FAM227A: variants seen among roughly 807,000 people sequenced by gnomAD.
FAM227A encodes protein FAM227A.
FAM227A carries 80 observed loss-of-function variants against 74.7 expected under a neutral mutation model. The ratio of observed to expected loss-of-function variants is 1.07; its 90% CI spans 0.89 to 1.29. The LOEUF is 1.29. FAM227A is among the 50% of genes most tolerant of loss of function. The pLI is 0.00. For missense variants in FAM227A, 654 were observed against 683.4 expected (o/e 0.96, Z 0.48); for synonymous variants, 237 against 241.8 (o/e 0.98, Z 0.19).
At chr22:38,619,837 G>A (rs1436870781) in intron 11 of FAM227A, among the ~76,000 whole-genome samples, 1 of 152,092 alleles carries the variant, frequency 6.6e-6, no homozygotes. Context: ...TACATCAGAA[G>A]GAACATCAAT....
intron 11 of FAM227A, 137 bp downstream of exon 11, chr22:38,620,075 T>C: frequency 1.6e-6 from 1 of 631,146 alleles, no homozygotes; most frequent in Non-Finnish European, 2.8e-6. Flanking sequence ...GGCTCCTCAC[T>C]TAGAAGATGG....
intron 15 of FAM227A, among the ~76,000 whole-genome samples, chr22:38,592,693 A>G (rs2090963706): frequency 6.6e-6 from 1 of 152,212 alleles, no homozygotes; most frequent in Non-Finnish European, 1.5e-5. Flanking sequence ...ATGAACTTTC[A>G]TATCTACTGG....
At position 38,597,236 on chromosome 22, in the gene FAM227A, C is replaced by G; in HGVS notation, c.1500G>C (p.Lys500Asn). 6.4e-7 allele frequency: 1 copy of G among 1,552,298 alleles called. No homozygotes were observed. The highest frequency in any genetic ancestry group is 8.7e-7 in the Non-Finnish European group (1 of 1,147,110). ...HHWTEWNYFD[K>N]HLKELQDNFS... ...AGTTGTCTTGCAGCTCCTTTAGATG[C>G]TTGTCAAAATAATTCCATTCAGTCC... Residue 500 changes from lysine to asparagine, a missense_variant, in exon 15 of 17, where the codon AAG becomes AAC. Physicochemically the swap from Lys to Asn is moderately conservative, Grantham distance 94 (BLOSUM62 0). Coordinates refer to ENST00000535113, the MANE Select transcript of FAM227A (RefSeq NM_001013647.2).
chr22:38,612,111 G>T (rs534547347), intron 11 of FAM227A, among the ~76,000 whole-genome samples: 2 of 152,088 alleles, frequency 1.3e-5, no homozygotes, highest in East Asian at 3.9e-4. Flanking sequence ...TTCCATATTT[G>T]TCATTTAGAC....
chr22:38,601,884 C>T (rs2091187046), intron 13 of FAM227A, among the ~76,000 whole-genome samples: 1 of 151,896 alleles, frequency 6.6e-6, no homozygotes. Context: ...AGTCAAGTCC[C>T]GTTTTGGATG....
intron 9 of FAM227A, 91 bp downstream of exon 9, chr22:38,626,089 G>A: frequency 7.8e-7 from 1 of 1,274,222 alleles, no homozygotes; most frequent in Non-Finnish European, 1.1e-6. Context: ...CTTCATGAAG[G>A]GGTGTCATAG....
At chr22:38,624,598 ATGCTGAACAC>A (rs1237362538) in intron 9 of FAM227A, among the ~76,000 whole-genome samples, 3 of 152,200 alleles carry the variant, frequency 2.0e-5, no homozygotes, top group Admixed American at 1.3e-4. Flanking sequence ...TATGTGGCTT[ATGCTGAACAC>A]TGCCTTCCTG....
intron 11 of FAM227A, among the ~76,000 whole-genome samples, chr22:38,611,579 C>T (rs919514505): frequency 2.6e-5 from 4 of 152,116 alleles, no homozygotes; most frequent in African/African-American, 9.7e-5. Context: ...AGTCGCGATG[C>T]CCATTTTGTG....
intron 11 of FAM227A, among the ~76,000 whole-genome samples, chr22:38,610,132 T>C (rs1313695135): frequency 6.6e-6 from 1 of 152,094 alleles, no homozygotes; most frequent in Non-Finnish European, 1.5e-5. Context: ...TGGAGTGCAG[T>C]GGTGCAATGC....
chr22:38,632,183 A>G (rs777140098), intron 6 of FAM227A, among the ~76,000 whole-genome samples: 34 of 152,158 alleles, frequency 2.2e-4, no homozygotes, highest in Admixed American at 9.8e-4. Flanking sequence ...TCTGCAGTGT[A>G]GTGAAGGCCT....
In FAM227A at chr22:38,583,159, C is replaced by G. The variant is rs2090736628; in HGVS notation, c.*2966G>C. On this transcript the variant is annotated 3_prime_UTR_variant, in exon 17 of 17. Transcript: ENST00000535113. ...GGCAGGTGCTCACACGTTCTGGTTT[C>G]AGAAGACTATACTTTTTTTTTTTTT... is the stretch of plus-strand genomic sequence containing the variant. The G allele has an allele frequency of 2.2e-6, 1 of 463,150 alleles. No individual in the cohort carries two copies. The highest frequency in any genetic ancestry group is 2.1e-5 in the African/African-American group (1 of 47,466). The allele number at this position is 463,150 out of a possible 1,614,324, so 28.7% of individuals were successfully genotyped here. A position where few individuals can be genotyped will look rare whatever the true frequency, so the allele number is the denominator to read the frequency against.
chr22:38,580,967 C>T lies in FAM227A; in HGVS notation c.*5158G>A, dbSNP rs553422461. ...CTGATTTTTGTATTTTTAGTAGAGA[C>T]GGGATTTTGCCTTGTTGGCCAGGCT... On this transcript the variant is annotated 3_prime_UTR_variant, in exon 17 of 17. Transcript: ENST00000535113. 2.0e-5 allele frequency: 3 copies of T among 152,226 alleles called. No individual in the cohort carries two copies. Among genetic ancestry groups the T allele is most frequent in the Admixed American group, 6.5e-5 (1 of 15,278 alleles). 9.4% of individuals were successfully genotyped at this position (152,226 alleles called of 1,614,324 possible). A position where few individuals can be genotyped will look rare whatever the true frequency, so the allele number is the denominator to read the frequency against.
At chr22:38,613,424 T>TATATAATATATTATATA (rs71197123) in intron 11 of FAM227A, among the ~76,000 whole-genome samples, 1 of 113,522 alleles carries the variant, frequency 8.8e-6, no homozygotes, top group African/African-American at 3.5e-5. Flanking sequence ...ATATATATAA[T>TATATAATATATTATATA]TTGTTTGTTT....
In FAM227A at chr22:38,626,325, G is replaced by A. The variant is rs771182085; in HGVS notation, c.727-22C>T. On this transcript the variant is annotated intron_variant, in intron 8 of 16. Coordinates refer to ENST00000535113, the MANE Select transcript of FAM227A (RefSeq NM_001013647.2). ...GCCTCTGCGGAGCAAGCCGAGCTCA[G>A]GCAACGTTCTCAACATTTCCACCCG... is the stretch of plus-strand genomic sequence containing the variant. The A allele has an allele frequency of 1.9e-5, 29 of 1,547,418 alleles. 1 individual carries two copies. The Middle Eastern group carries it at 2.3e-3, about 125-fold the overall frequency.
chr22:38,622,691 C>T (rs2091715579), intron 10 of FAM227A, among the ~76,000 whole-genome samples: 1 of 152,000 alleles, frequency 6.6e-6, no homozygotes, highest in African/African-American at 2.4e-5. Flanking sequence ...GCCTGGCCAA[C>T]ATGGCAAAAC....
intron 9 of FAM227A, among the ~76,000 whole-genome samples, chr22:38,624,392 A>G (rs541255623): frequency 6.6e-6 from 1 of 151,992 alleles, no homozygotes; most frequent in Admixed American, 6.6e-5. Context: ...TCCATCTCAA[A>G]AAAAAAAAAA....
At chr22:38,640,543 C>T (rs2092092934) in intron 3 of FAM227A, among the ~76,000 whole-genome samples, 3 of 152,132 alleles carry the variant, frequency 2.0e-5, no homozygotes, top group South Asian at 2.1e-4. Flanking sequence ...ATGCTAGTGA[C>T]CCAAGTTGCA....
chr22:38,639,062 G>A lies in FAM227A; in HGVS notation c.296-240C>T, dbSNP rs190595848. On this transcript the variant is annotated intron_variant, in intron 4 of 16. Transcript: ENST00000535113. ...AAGTTACTCCCCTCCCTCCAAGGCT[G>A]TTTCCTCATCTATAAAATATATTAA... is the stretch of plus-strand genomic sequence containing the variant. 1.2e-3 allele frequency among the ~76,000 whole-genome samples: 179 copies of A among 152,158 alleles called. 2 individuals are homozygous for A. Among genetic ancestry groups the A allele is most frequent in the African/African-American group, 3.9e-3 (162 of 41,504 alleles).
chr22:38,640,616 T>C (rs2092094767), intron 3 of FAM227A, among the ~76,000 whole-genome samples: 1 of 152,026 alleles, frequency 6.6e-6, no homozygotes. Context: ...CAAGTATGAG[T>C]CTGTGTTTTT....
Sources: allele counts gnomAD v4.1 joint callset (sites outside exome capture counted in the v4.1 genomes callset), GRCh38; gene constraint gnomAD v4.1.1; transcripts MANE v1.5; gene names NCBI Gene and HGNC (gene_info 2026-07-23, HGNC 2026-07-21).